Variants in HSD17B12 observed in about 807,000 individuals in gnomAD.
The protein encoded by HSD17B12 is very-long-chain 3-oxoacyl-CoA reductase.
A neutral mutation model predicts 39.3 loss-of-function variants in HSD17B12; 32 were observed. That is an observed-to-expected ratio of 0.81 (90% CI 0.61 to 1.09). HSD17B12 has a LOEUF of 1.09. Ranked by LOEUF, HSD17B12 falls within the 50% of genes least tolerant of loss-of-function variation. The pLI is 0.00. For synonymous variants in HSD17B12, 150 were observed against 146.7 expected (o/e 1.02, Z -0.16); for missense variants, 342 against 382.9 (o/e 0.89, Z 0.89).
chr11:43,720,419 C>T (rs111817305), intron 1 of HSD17B12, among the ~76,000 whole-genome samples: 200 of 152,300 alleles, frequency 1.3e-3, no homozygotes, highest in Non-Finnish European at 2.6e-3. Context: ...AACAGTCTTG[C>T]CAAACATTCC....
the HSD17B12 span, among the ~76,000 whole-genome samples, chr11:43,592,302 T>G: frequency 3.3e-5 from 5 of 152,124 alleles, no homozygotes; most frequent in Non-Finnish European, 5.9e-5. Flanking sequence ...GTGTGTGTGT[T>G]TTTTTAATGC....
chr11:43,684,715 A>G (rs548320033), intron 1 of HSD17B12, among the ~76,000 whole-genome samples: 10 of 152,348 alleles, frequency 6.6e-5, no homozygotes, highest in Admixed American at 6.5e-4. Context: ...TAATTAATAT[A>G]CCATACAATT....
intron 4 of HSD17B12, among the ~76,000 whole-genome samples, chr11:43,808,573 A>G (rs1951040674): frequency 6.6e-6 from 1 of 152,198 alleles, no homozygotes; most frequent in Non-Finnish European, 1.5e-5. Flanking sequence ...CCCACCAGCT[A>G]ACATTTAACT....
At chr11:43,666,035 C>A in the HSD17B12 span, among the ~76,000 whole-genome samples, 1 of 152,210 alleles carries the variant, frequency 6.6e-6, no homozygotes, top group African/African-American at 2.4e-5. Context: ...TCTTACCACA[C>A]CTGGCTCACT....
chr11:43,799,238 A>T (rs866154492), intron 4 of HSD17B12, among the ~76,000 whole-genome samples: 4 of 150,222 alleles, frequency 2.7e-5, no homozygotes, highest in Non-Finnish European at 4.5e-5. Context: ...TCTGCTTTAT[A>T]AAAAAAAATA....
At chr11:43,732,678 G>A (rs1950280336) in intron 1 of HSD17B12, among the ~76,000 whole-genome samples, 1 of 152,114 alleles carries the variant, frequency 6.6e-6, no homozygotes, top group Admixed American at 6.6e-5. Flanking sequence ...GCCCAGGCTG[G>A]TCTCGAACTC....
the HSD17B12 span, among the ~76,000 whole-genome samples, chr11:43,660,434 C>T: frequency 6.6e-6 from 1 of 150,480 alleles, no homozygotes; most frequent in Non-Finnish European, 1.5e-5. Context: ...TGCTCATTAT[C>T]TTTACAGCAA....
At chr11:43,675,009 C>T in the HSD17B12 span, among the ~76,000 whole-genome samples, 2 of 152,174 alleles carry the variant, frequency 1.3e-5, no homozygotes, top group African/African-American at 4.8e-5. Flanking sequence ...ACTAGACAAT[C>T]TATTTTCATT....
At chr11:43,557,314 T>C in the HSD17B12 span, among the ~76,000 whole-genome samples, 1 of 152,192 alleles carries the variant, frequency 6.6e-6, no homozygotes, top group Non-Finnish European at 1.5e-5. Flanking sequence ...CTTGGATTGA[T>C]TCTCATTCAC....
intron 1 of HSD17B12, among the ~76,000 whole-genome samples, chr11:43,706,724 TGGG>T: frequency 1.2e-5 from 1 of 80,348 alleles, no homozygotes; most frequent in African/African-American, 4.5e-5. Context: ...GTGTGTGTTG[TGGG>T]GGGTGGGTGT....
intron 3 of HSD17B12, among the ~76,000 whole-genome samples, chr11:43,785,502 TCTAGTCCAAAC>T (rs1243591250): frequency 2.6e-5 from 4 of 152,188 alleles, no homozygotes; most frequent in Non-Finnish European, 4.4e-5. Flanking sequence ...CAGAGCTTGC[TCTAGTCCAAAC>T]AGTTTAGTCT....
chr11:43,680,603 G>A (rs1949731868), upstream of HSD17B12: 3 of 557,974 alleles, frequency 5.4e-6, no homozygotes, highest in Non-Finnish European at 9.7e-6. Context: ...AGTGTGGGAG[G>A]GGCAGTGGAA....
the HSD17B12 span, among the ~76,000 whole-genome samples, chr11:43,672,432 T>C: frequency 6.6e-6 from 1 of 152,178 alleles, no homozygotes; most frequent in African/African-American, 2.4e-5. Context: ...GAAGGTTAAC[T>C]TAAAGAGTTA....
At chr11:43,737,054 G>A (rs978413389) in intron 1 of HSD17B12, among the ~76,000 whole-genome samples, 4 of 152,138 alleles carry the variant, frequency 2.6e-5, no homozygotes, top group Admixed American at 1.3e-4. Context: ...CATGGTTTGC[G>A]GCAGTATTAA....
At position 43,830,986 on chromosome 11, in the gene HSD17B12, T is replaced by C. The variant is rs141598817; in HGVS notation, c.512T>C (p.Leu171Ser). The C allele has an allele frequency of 1.2e-5, 19 of 1,607,200 alleles. No individual in the cohort carries two copies. The highest frequency in any genetic ancestry group is 2.2e-5 in the South Asian group (2 of 89,906). The part of the protein sequence containing the change: ...NILSVCKMTQ[L>S]VLPGMVERSK... ...CTTTCTCTCTTGCAGATGACACAAT[T>C]GGTACTGCCTGGCATGGTGGAAAGG... is the stretch of plus-strand genomic sequence containing the variant. Residue 171 changes from leucine (L) to serine (S), a missense_variant, in exon 7 of 11, where the codon TTG becomes TCG. Leu to Ser is a moderately radical substitution (Grantham distance 145). Transcript: ENST00000278353.
intron 1 of HSD17B12, among the ~76,000 whole-genome samples, chr11:43,726,996 A>G (rs1336929388): frequency 6.6e-6 from 1 of 152,230 alleles, no homozygotes; most frequent in African/African-American, 2.4e-5. Flanking sequence ...CAAAGAATAG[A>G]TTTTATTTAT....
At chr11:43,803,879 A>G (rs1456375556) in intron 4 of HSD17B12, among the ~76,000 whole-genome samples, 2 of 152,230 alleles carry the variant, frequency 1.3e-5, no homozygotes, top group Non-Finnish European at 2.9e-5. Context: ...AGAGAAAATG[A>G]CATCCTTACT....
chr11:43,739,234 G>T (rs1272968688), intron 1 of HSD17B12, among the ~76,000 whole-genome samples: 1 of 152,164 alleles, frequency 6.6e-6, no homozygotes, highest in Non-Finnish European at 1.5e-5. Context: ...CACAAAGGGG[G>T]AGTTCGGAGT....
chr11:43,586,949 T>C, the HSD17B12 span, among the ~76,000 whole-genome samples: 1 of 152,234 alleles, frequency 6.6e-6, no homozygotes, highest in Non-Finnish European at 1.5e-5. Context: ...GATTCATTTC[T>C]CTGCTTAAAA....
Sources: allele counts gnomAD v4.1 joint callset (sites outside exome capture counted in the v4.1 genomes callset), GRCh38; gene constraint gnomAD v4.1.1; transcripts MANE v1.5; gene names NCBI Gene and HGNC (gene_info 2026-07-23, HGNC 2026-07-21).